The following MARCHF1 variants were observed in gnomAD, a reference collection of about 807,000 sequenced individuals.
MARCHF1 encodes the protein E3 ubiquitin-protein ligase MARCHF1.
MARCHF1 carries 40 observed loss-of-function variants against 54.2 expected under a neutral mutation model. That is an observed-to-expected ratio of 0.74 (90% confidence interval 0.57 to 0.96). The LOEUF is 0.96. MARCHF1 is among the 40% of genes least tolerant of loss of function. The probability of loss-of-function intolerance (pLI) is 0.00; values close to 1 mark genes in which losing one functional copy is unlikely to be tolerated. For missense variants in MARCHF1, 586 were observed against 656.5 expected (o/e 0.89, Z 1.17); for synonymous variants, 236 against 236.3 (o/e 1.00, Z 0.01).
chr4:164,316,706 C>A (rs1464502810), intron 1 of MARCHF1, among the ~76,000 whole-genome samples: 1 of 152,186 alleles, frequency 6.6e-6, no homozygotes, highest in African/African-American at 2.4e-5. Flanking sequence ...TGTCCCCTCA[C>A]AAATCCCATG....
intron 4 of MARCHF1, among the ~76,000 whole-genome samples, chr4:163,756,631 CAAAAAAAAAAAAAAA>C (rs67382228): frequency 5.9e-5 from 4 of 67,582 alleles, no homozygotes; most frequent in Non-Finnish European, 7.3e-5. Context: ...GACTCTGTCT[CAAAAAAAAAAAAAAA>C]AAAAAAAAAA....
At chr4:164,091,219 G>C (rs1304776697) in intron 2 of MARCHF1, among the ~76,000 whole-genome samples, 1 of 151,898 alleles carries the variant, frequency 6.6e-6, no homozygotes, top group African/African-American at 2.4e-5. Context: ...ATAAAATACA[G>C]AAAGTGTTGA....
At chr4:164,254,219 T>C (rs147244485) in intron 1 of MARCHF1, among the ~76,000 whole-genome samples, 1 of 151,860 alleles carries the variant, frequency 6.6e-6, no homozygotes, top group South Asian at 2.1e-4. Flanking sequence ...GCCTGGCTAA[T>C]TTTTGTATTT....
rs1167850231 is a variant in MARCHF1, at chr4:163,700,834, A to G, written c.141T>C (p.Ser47=). The change falls in exon 5 of 10, where the codon AGT becomes AGC. Residue 47 remains serine (S), a synonymous_variant. Coordinates refer to ENST00000514618, the MANE Select transcript of MARCHF1 (RefSeq NM_001394959.1). ...CTACTTTTGAAATGTTACTTGATCG[A>G]CTTGCAGATCGCCCTGGGGATTTTT... ...LNEKSPGRSA[S]RSSNISKASS... is the part of the protein sequence containing the mutation. 6.5e-7 allele frequency: 1 copy of G among 1,536,496 alleles called. No individual in the cohort carries two copies. The highest frequency in any genetic ancestry group is 2.4e-5 in the East Asian group (1 of 40,826).
chr4:163,898,743 C>T (rs1366431452), intron 3 of MARCHF1, among the ~76,000 whole-genome samples: 2 of 152,150 alleles, frequency 1.3e-5, no homozygotes, highest in Non-Finnish European at 2.9e-5. Flanking sequence ...CTTGTATATT[C>T]ATTGCAGCAC....
In MARCHF1 at chr4:163,524,960, C is replaced by T. The variant is rs930267745; in HGVS notation, c.*3788G>A. Reference sequence around the variant, plus strand: ...GGGCTTTCTTTAGATGTGGAGGAAACACTGCAGCCCAAAATAACAGTACTT... The same window carrying T: ...GGGCTTTCTTTAGATGTGGAGGAAATACTGCAGCCCAAAATAACAGTACTT... On this transcript the variant is annotated 3_prime_UTR_variant, in exon 10 of 10. Coordinates refer to ENST00000514618, the MANE Select transcript of MARCHF1 (RefSeq NM_001394959.1). 5.3e-5 allele frequency: 8 copies of T among 152,108 alleles called. No homozygotes were observed. Among genetic ancestry groups the T allele is most frequent in the Non-Finnish European group, 8.8e-5 (6 of 68,026 alleles). The allele number at this position is 152,108 out of a possible 1,614,324, so 9.4% of individuals were successfully genotyped here.
rs542619831 is a variant in MARCHF1 at position 163,994,933 on chromosome 4, T to G, written c.-247-6224A>C. On this transcript the variant is annotated intron_variant, in intron 2 of 9. Coordinates refer to ENST00000514618, the MANE Select transcript of MARCHF1 (RefSeq NM_001394959.1). ...GGAAAAACACCCTCAAACTGTGATT[T>G]TCTATTTTACACAGAAGACTTCTGT... Among the ~76,000 whole-genome samples the G allele has an allele frequency of 2.0e-5, 3 of 152,264 alleles. No homozygotes were observed. The South Asian group carries it at 6.2e-4, about 32-fold the overall frequency.
intron 2 of MARCHF1, among the ~76,000 whole-genome samples, chr4:164,006,988 C>T (rs56913290): frequency 2.4e-5 from 1 of 42,350 alleles, no homozygotes; most frequent in Non-Finnish European, 3.9e-5. Context: ...GCTCTGAAAT[C>T]TGAAAAAAAA....
At chr4:164,356,328 G>A (rs1270351740) in intron 1 of MARCHF1, among the ~76,000 whole-genome samples, 21 of 141,084 alleles carry the variant, frequency 1.5e-4, no homozygotes, top group Non-Finnish European at 3.0e-4. Flanking sequence ...TATGTTTATT[G>A]TGGCATTATT....
intron 2 of MARCHF1, among the ~76,000 whole-genome samples, chr4:164,017,030 A>T (rs969648801): frequency 9.2e-5 from 14 of 152,102 alleles, no homozygotes; most frequent in African/African-American, 3.1e-4. Context: ...AGATGTATCT[A>T]ACAATACTTG....
intron 1 of MARCHF1, among the ~76,000 whole-genome samples, chr4:164,179,330 G>T (rs977023149): frequency 2.6e-5 from 4 of 152,082 alleles, no homozygotes; most frequent in Admixed American, 1.3e-4. Flanking sequence ...GACACCATTT[G>T]TCACTAGCTC....
At chr4:164,270,287 C>T (rs1221247657) in intron 1 of MARCHF1, among the ~76,000 whole-genome samples, 1 of 152,178 alleles carries the variant, frequency 6.6e-6, no homozygotes, top group Non-Finnish European at 1.5e-5. Flanking sequence ...GCATGTCCTT[C>T]AAGTCTATTC....
intron 2 of MARCHF1, among the ~76,000 whole-genome samples, chr4:164,056,309 C>T (rs115514284): frequency 0.018 from 2,678 of 152,226 alleles, 79 homozygotes; most frequent in African/African-American, 0.061. Flanking sequence ...TAACTGAACA[C>T]TGAAAGGTGT....
chr4:164,004,574 A>G (rs62348097), intron 2 of MARCHF1, among the ~76,000 whole-genome samples: 62,125 of 151,864 alleles, frequency 0.41, 14,029 homozygotes, highest in Non-Finnish European at 0.51. Context: ...AATATTCACA[A>G]AAATAGATTA....
At chr4:163,847,631 A>T (rs1480592436) in intron 4 of MARCHF1, among the ~76,000 whole-genome samples, 1 of 120,504 alleles carries the variant, frequency 8.3e-6, no homozygotes, top group African/African-American at 3.2e-5. Context: ...CCCAGGCTGG[A>T]GTGCAGTGGT....
intron 1 of MARCHF1, among the ~76,000 whole-genome samples, chr4:164,351,967 G>A (rs1730354670): frequency 6.8e-6 from 1 of 146,178 alleles, no homozygotes; most frequent in Admixed American, 6.8e-5. Context: ...GAAGAATGCA[G>A]AAGCCTCAGG....
At chr4:164,091,878 GTGTGTGTGTGTGTGTGTCTGTA>G (rs1560899691) in intron 2 of MARCHF1, among the ~76,000 whole-genome samples, 1 of 151,510 alleles carries the variant, frequency 6.6e-6, no homozygotes, top group Non-Finnish European at 1.5e-5. Flanking sequence ...GTGTGTGTGT[GTGTGTGTGTGTGTGTGTCTGTA>G]TGTGTGTCTG....
chr4:164,217,485 T>A (rs1159812616), intron 1 of MARCHF1, among the ~76,000 whole-genome samples: 1 of 152,208 alleles, frequency 6.6e-6, no homozygotes, highest in Non-Finnish European at 1.5e-5. Flanking sequence ...GTATTATTAA[T>A]GATTGAGGAT....
chr4:163,867,630 T>G (rs1750082169), intron 3 of MARCHF1, among the ~76,000 whole-genome samples: 1 of 151,838 alleles, frequency 6.6e-6, no homozygotes, highest in East Asian at 1.9e-4. Flanking sequence ...CTTTCTTTTT[T>G]TGCAGTAGGC....
Sources: allele counts gnomAD v4.1 joint callset (sites outside exome capture counted in the v4.1 genomes callset), GRCh38; gene constraint gnomAD v4.1.1; transcripts MANE v1.5; gene names NCBI Gene and HGNC (gene_info 2026-07-23, HGNC 2026-07-21).